Variants in ZNF180 observed in about 807,000 individuals in gnomAD.
ZNF180 encodes the protein zinc finger protein 180 (HHZ168).
ZNF180 carries 11 observed loss-of-function variants against 11.8 expected under a neutral mutation model. That is an observed-to-expected ratio of 0.93 (90% CI 0.59 to 1.55). ZNF180 has a LOEUF of 1.55. Ranked by LOEUF, ZNF180 falls within the 40% of genes most tolerant of loss-of-function variation. ZNF180 has a pLI of 0.00. For synonymous variants in ZNF180, 287 were observed against 257.7 expected (o/e 1.11, Z -1.09); for missense variants, 773 against 781.7 (o/e 0.99, Z 0.13).
Position 44,475,574 on chromosome 19 carries a change from G to C in ZNF180, c.*828C>G, listed in dbSNP as rs1387853873. The C allele has an allele frequency of 1.3e-5, 2 of 152,060 alleles. No homozygotes were observed. The highest frequency in any genetic ancestry group is 4.8e-5 in the African/African-American group (2 of 41,384). The allele number at this position is 152,060 out of a possible 1,614,324, so 9.4% of individuals were successfully genotyped here. A position where few individuals can be genotyped will look rare whatever the true frequency, so the allele number is the denominator to read the frequency against. ...CAAACATAAACCTCATTATCCTGAG[G>C]GATCTTTGCTATTTGGTTGCTTAGT... is the stretch of plus-strand genomic sequence containing the variant. On this transcript the variant is annotated 3_prime_UTR_variant, in exon 5 of 5. Coordinates refer to ENST00000592529, the MANE Select transcript of ZNF180 (RefSeq NM_001278509.3).
intron 2 of ZNF180, among the ~76,000 whole-genome samples, chr19:44,489,096 G>A (rs1970341355): frequency 7.2e-6 from 1 of 139,172 alleles, no homozygotes; most frequent in South Asian, 2.4e-4. Context: ...CCGTCCGGGA[G>A]GGAGGTGGGG....
At chr19:44,496,203 G>C (rs953143857) in intron 2 of ZNF180, among the ~76,000 whole-genome samples, 1 of 151,728 alleles carries the variant, frequency 6.6e-6, no homozygotes, top group African/African-American at 2.4e-5. Context: ...ATTTTTTATA[G>C]AGACAGGGTC....
intron 2 of ZNF180, among the ~76,000 whole-genome samples, chr19:44,488,706 C>T (rs368926081): frequency 3.3e-5 from 5 of 151,924 alleles, no homozygotes; most frequent in South Asian, 4.2e-4. Flanking sequence ...AAGTGAGGAG[C>T]GTCTCTGCCT....
In ZNF180 at chr19:44,500,257, C is replaced by T. The variant is rs760131790; in HGVS notation, c.-44+18G>A. ...TGCGCGCATCGGACACCAAGCGCTG[C>T]CCCACGCCCCTACCAACCTGGGCGT... On this transcript the variant is annotated intron_variant, in intron 1 of 4. Transcript: ENST00000592529. 1.9e-6 allele frequency: 3 copies of T among 1,613,408 alleles called. No homozygotes were observed. The highest frequency in any genetic ancestry group is 1.3e-5 in the African/African-American group (1 of 74,932).
At chr19:44,492,007 T>C (rs562026118) in intron 2 of ZNF180, among the ~76,000 whole-genome samples, 134 of 152,342 alleles carry the variant, frequency 8.8e-4, no homozygotes, top group Non-Finnish European at 1.6e-3. Flanking sequence ...TGCTTCCCAC[T>C]GTCTTACCAA....
chr19:44,498,257 G>A (rs1970641882), intron 1 of ZNF180, among the ~76,000 whole-genome samples: 1 of 152,098 alleles, frequency 6.6e-6, no homozygotes, highest in Non-Finnish European at 1.5e-5. Context: ...TGTCTCAGAA[G>A]CTCAGGTGCC....
At position 44,477,513 on chromosome 19, in the gene ZNF180, G is replaced by C. The variant is rs747809119; in HGVS notation, c.887C>G (p.Pro296Arg). Reference protein sequence around the residue: ...KISHNEQQRIPFEESQYKCSE... With the variant: ...KISHNEQQRIRFEESQYKCSE... ...ACATTTATATTGACTCTCTTCAAAA[G>C]GAATTCTCTGTTGTTCATTATGGGA... The change falls in exon 5 of 5, where the codon CCT becomes CGT. Residue 296 changes from proline (P) to arginine (R), a missense_variant. Coordinates refer to ENST00000592529, the MANE Select transcript of ZNF180 (RefSeq NM_001278509.3). 2.1e-5 allele frequency: 34 copies of C among 1,613,970 alleles called. No individual in the cohort carries two copies. Among genetic ancestry groups the C allele is most frequent in the Non-Finnish European group, 2.8e-5 (33 of 1,180,018 alleles).
At chr19:44,488,916 C>T (rs543652489) in intron 2 of ZNF180, among the ~76,000 whole-genome samples, 4 of 151,116 alleles carry the variant, frequency 2.6e-5, no homozygotes, top group Middle Eastern at 3.5e-3. Context: ...GCCTGGCAAC[C>T]GCCCCGTCTG....
rs1350335141 is a variant in ZNF180 at position 44,477,869 on chromosome 19, A to G, written c.531T>C (p.Ser177=). ...ETGEKSGLNS[S]LFSSPVIPIR... is the part of the protein sequence containing the mutation. ...TGGGTATAACTGGGGATGAAAATAG[A>G]CTGGAATTCAGACCACTCTTCTCCC... Residue 177 remains serine (S), a synonymous_variant, in exon 5 of 5, where the codon AGT becomes AGC. Transcript: ENST00000592529. 3 of 1,613,928 alleles carry G rather than the reference A, an allele frequency of 1.9e-6. No individual in the cohort carries two copies. The Admixed American group carries it at 5.0e-5, about 27-fold the overall frequency.
rs772501129 is a variant in ZNF180 at position 44,476,621 on chromosome 19, A to G, written c.1779T>C (p.Leu593=). The change falls in exon 5 of 5, where the codon CTT becomes CTC. Residue 593 remains leucine (L), a synonymous_variant. Coordinates refer to ENST00000592529, the MANE Select transcript of ZNF180 (RefSeq NM_001278509.3). ...CAGTATGAGTTCTCTGATGTTGAGTAAGGCATGAACTCTGTCTGAAGGACT... is the reference window on the plus strand; with the variant it reads ...CAGTATGAGTTCTCTGATGTTGAGTGAGGCATGAACTCTGTCTGAAGGACT... ...CGKSFRQSSC[L]TQHQRTHTGE... 4 of 1,614,164 alleles carry G rather than the reference A, an allele frequency of 2.5e-6. No homozygotes were observed. Among genetic ancestry groups the G allele is most frequent in the Non-Finnish European group, 2.5e-6 (3 of 1,179,998 alleles).
chr19:44,481,075 T>C (rs914053545), intron 3 of ZNF180, among the ~76,000 whole-genome samples: 9 of 152,180 alleles, frequency 5.9e-5, no homozygotes, highest in Non-Finnish European at 2.9e-5. Context: ...CTGCCTCCTC[T>C]AAGCAGGAAA....
rs1056575720 is a variant in ZNF180 at position 44,497,272 on chromosome 19, G to T, written c.51+12C>A. 1.3e-6 allele frequency: 2 copies of T among 1,557,746 alleles called. No individual in the cohort carries two copies. The highest frequency in any genetic ancestry group is 1.7e-6 in the Non-Finnish European group (2 of 1,159,922). On this transcript the variant is annotated intron_variant, in intron 2 of 4. Coordinates refer to ENST00000592529, the MANE Select transcript of ZNF180 (RefSeq NM_001278509.3). Reference sequence around the variant, plus strand: ...GGCTGCAGACAGACCCAAGCTCTGGGTCTCCACTCACCTGTGCACAGACCT... The same window carrying T: ...GGCTGCAGACAGACCCAAGCTCTGGTTCTCCACTCACCTGTGCACAGACCT...
In ZNF180 at chr19:44,477,029, T is replaced by G. The variant is rs1969914514; in HGVS notation, c.1371A>C (p.Gln457His). 2 of 1,613,670 alleles carry G rather than the reference T, an allele frequency of 1.2e-6. No homozygotes were observed. Among genetic ancestry groups the G allele is most frequent in the Non-Finnish European group, 1.7e-6 (2 of 1,179,950 alleles). The change falls in exon 5 of 5, where the codon CAA becomes CAC. Residue 457 changes from glutamine (Q) to histidine (H), a missense_variant. Physicochemically the swap from Gln to His is conservative, Grantham distance 24 (BLOSUM62 0). Transcript: ENST00000592529. ...FIQSYKLIAH[Q>H]RIHTGEKPYE... is the part of the protein sequence containing the mutation. ...AGGGTTTTTCCCCAGTATGAATTCT[T>G]TGATGTGCAATAAGTTTATAGCTCT...
chr19:44,483,205 T>G (rs1012539938), intron 3 of ZNF180, among the ~76,000 whole-genome samples: 2 of 152,256 alleles, frequency 1.3e-5, no homozygotes, highest in Non-Finnish European at 2.9e-5. Flanking sequence ...CTTTTTCATT[T>G]CTACTTAGTG....
At chr19:44,488,942 C>T (rs1199883339) in intron 2 of ZNF180, among the ~76,000 whole-genome samples, 4 of 151,104 alleles carry the variant, frequency 2.6e-5, no homozygotes, top group Admixed American at 2.0e-4. Flanking sequence ...TGAGGAGCCC[C>T]TCCGCCCGGC....
chr19:44,476,665 C>T lies in ZNF180; in HGVS notation c.1735G>A (p.Glu579Lys), dbSNP rs752706681. Residue 579 changes from glutamate (E) to lysine (K), a missense_variant, in exon 5 of 5, where the codon GAA (glutamate) becomes AAA (lysine). Coordinates refer to ENST00000592529, the MANE Select transcript of ZNF180 (RefSeq NM_001278509.3). ...AAGGACTTCCCACATTGACTGCATT[C>T]ATAGGGCTTTTCTCCAGTATGAGTT... is the stretch of plus-strand genomic sequence containing the variant. ...QRTHTGEKPYECSQCGKSFRQ... is the reference protein window; with the variant it reads ...QRTHTGEKPYKCSQCGKSFRQ... 1.9e-6 allele frequency: 3 copies of T among 1,614,198 alleles called. No individual in the cohort carries two copies. In the East Asian group the frequency reaches 6.7e-5, roughly 36 times the overall value.
At chr19:44,493,840 A>G (rs1395404810) in intron 2 of ZNF180, among the ~76,000 whole-genome samples, 10 of 152,120 alleles carry the variant, frequency 6.6e-5, no homozygotes, top group Admixed American at 5.9e-4. Flanking sequence ...TCTGGTGTAC[A>G]GCACCTCTTG....
At chr19:44,492,670 G>A (rs896115041) in intron 2 of ZNF180, among the ~76,000 whole-genome samples, 4 of 151,984 alleles carry the variant, frequency 2.6e-5, no homozygotes, top group Non-Finnish European at 4.4e-5. Context: ...TATAAATAGA[G>A]ATGACCAAAT....
chr19:44,500,270 C>A lies in ZNF180; in HGVS notation c.-44+5G>T. ...CACCAAGCGCTGCCCCACGCCCCTA[C>A]CAACCTGGGCGTCCGCTGGCCCGCA... On this transcript the variant is annotated splice_donor_5th_base_variant and intron_variant, in intron 1 of 4. Coordinates refer to ENST00000592529, the MANE Select transcript of ZNF180 (RefSeq NM_001278509.3). The A allele has an allele frequency of 6.2e-7, 1 of 1,613,158 alleles. No individual in the cohort carries two copies. The highest frequency in any genetic ancestry group is 1.3e-5 in the African/African-American group (1 of 74,992).
Sources: gnomAD v4.1 joint callset for allele counts (sites outside exome capture counted in the v4.1 genomes callset) on GRCh38, gnomAD v4.1.1 for gene constraint, MANE v1.5 for transcripts, NCBI Gene and HGNC (gene_info 2026-07-23, HGNC 2026-07-21) for gene names.